The following DENND1A variants were observed in gnomAD, a reference collection of about 807,000 sequenced individuals.
DENND1A encodes the protein DENN domain containing 1A, also known as DENN domain-containing protein 1A.
Under a neutral mutation model 113.7 loss-of-function variants are expected in DENND1A, and 51 were observed. The ratio of observed to expected loss-of-function variants is 0.45; its 90% CI spans 0.36 to 0.57. The LOEUF (loss-of-function observed/expected upper bound fraction) is 0.57, where lower values mean the gene tolerates loss of function less well. Ranked by LOEUF, DENND1A falls within the 20% of genes least tolerant of loss-of-function variation. The pLI, the probability that DENND1A is intolerant of heterozygous loss-of-function variation, is 0.00. For missense variants in DENND1A, 1,258 were observed against 1,395.9 expected, an observed-to-expected ratio of 0.90 and a Z score of 1.57; for synonymous variants, 565 against 570.8, an observed-to-expected ratio of 0.99 and a Z score of 0.14.
chr9:123,916,600 C>T (rs565837591), intron 1 of DENND1A, among the ~76,000 whole-genome samples: 1 of 151,914 alleles, frequency 6.6e-6, no homozygotes, highest in Non-Finnish European at 1.5e-5. Context: ...CTCGAACTCC[C>T]GACCTCAGGT....
chr9:123,393,040 GTTTC>G (rs2042936056), intron 21 of DENND1A, among the ~76,000 whole-genome samples: 1 of 152,180 alleles, frequency 6.6e-6, no homozygotes, highest in African/African-American at 2.4e-5. Context: ...ATATACCACA[GTTTC>G]TTTATCCACT....
At chr9:123,711,724 G>C (rs777137713) in intron 5 of DENND1A, among the ~76,000 whole-genome samples, 5 of 151,474 alleles carry the variant, frequency 3.3e-5, no homozygotes, top group Admixed American at 1.3e-4. Context: ...ACATTCTTTA[G>C]TCTCCCCTTA....
At chr9:123,864,334 T>C (rs1845514993) in intron 2 of DENND1A, among the ~76,000 whole-genome samples, 1 of 152,226 alleles carries the variant, frequency 6.6e-6, no homozygotes, top group Non-Finnish European at 1.5e-5. Context: ...CTTCCTGCTG[T>C]ATACACACAC....
At chr9:123,875,371 T>A (rs1847295366) in intron 2 of DENND1A, among the ~76,000 whole-genome samples, 1 of 152,296 alleles carries the variant, frequency 6.6e-6, no homozygotes, top group East Asian at 1.9e-4. Context: ...AGACCATACA[T>A]CTGAATATTT....
At chr9:123,607,796 T>C (rs1328777183) in intron 11 of DENND1A, among the ~76,000 whole-genome samples, 1 of 150,958 alleles carries the variant, frequency 6.6e-6, no homozygotes, top group Non-Finnish European at 1.5e-5. Flanking sequence ...AAGACAAAAC[T>C]AGAAACTTGG....
rs1325063701 is a variant in DENND1A, at chr9:123,381,913, G to A, written c.2732C>T (p.Thr911Ile). 2.8e-6 allele frequency: 4 copies of A among 1,450,154 alleles called. No homozygotes were observed. Among genetic ancestry groups the A allele is most frequent in the South Asian group, 1.5e-5 (1 of 68,240 alleles). The allele number at this position is 1,450,154 out of a possible 1,614,324, so 89.8% of individuals were successfully genotyped here. ...AAPPTLPLVS[T>I]PAGPFGAPPA... The stretch of plus-strand genomic sequence containing the variant: ...AGGGGCCCCGAAAGGCCCGGCTGGT[G>A]TGGAGACCAGGGGCAGGGTGGGTGG... The change falls in exon 24 of 24, where the codon ACA becomes ATA. Residue 911 changes from threonine (T) to isoleucine (I), a missense_variant. Physicochemically the swap from Thr to Ile is moderately conservative, Grantham distance 89. Coordinates refer to ENST00000394215, the MANE Select transcript of DENND1A (RefSeq NM_001352964.2). The surrounding 1 kb of genome is among the most constrained non-coding windows in gnomAD (Gnocchi z 4.7).
intron 20 of DENND1A, among the ~76,000 whole-genome samples, chr9:123,409,915 C>A (rs1378945223): frequency 6.6e-6 from 1 of 152,154 alleles, no homozygotes; most frequent in East Asian, 1.9e-4. Flanking sequence ...CACAGTGAAA[C>A]CCCGTCTCTA....
intron 1 of DENND1A, among the ~76,000 whole-genome samples, chr9:123,912,493 T>A (rs560722282): frequency 1.2e-4 from 18 of 152,238 alleles, no homozygotes; most frequent in African/African-American, 2.2e-4. Flanking sequence ...AGTCAAAAAA[T>A]TTTTTAAGAA....
At chr9:123,734,483 A>C (rs2068413662) in intron 5 of DENND1A, among the ~76,000 whole-genome samples, 1 of 152,192 alleles carries the variant, frequency 6.6e-6, no homozygotes, top group Non-Finnish European at 1.5e-5. Context: ...AGTGGAGTAT[A>C]GGACACCTAC....
chr9:123,825,101 A>C (rs1839095131), intron 2 of DENND1A, among the ~76,000 whole-genome samples: 1 of 152,192 alleles, frequency 6.6e-6, no homozygotes, highest in African/African-American at 2.4e-5. Context: ...ATTAGTCATG[A>C]AACACCAAAA....
intron 3 of DENND1A, among the ~76,000 whole-genome samples, chr9:123,775,861 C>T (rs567007747): frequency 6.6e-6 from 1 of 152,258 alleles, no homozygotes; most frequent in Non-Finnish European, 1.5e-5. Flanking sequence ...CGATAATGGG[C>T]CCATGCTGAA....
intron 1 of DENND1A, among the ~76,000 whole-genome samples, chr9:123,882,993 C>G (rs60812970): frequency 0.089 from 13,514 of 152,204 alleles, 1,302 homozygotes; most frequent in African/African-American, 0.24. Context: ...ATACCTCTCT[C>G]CCCTTGCCCA....
chr9:123,874,977 C>T (rs891356759), intron 2 of DENND1A, among the ~76,000 whole-genome samples: 4 of 152,108 alleles, frequency 2.6e-5, no homozygotes, highest in Admixed American at 6.5e-5. Flanking sequence ...CCAAAAACTG[C>T]GAACAACTTC....
At chr9:123,850,468 C>T (rs572382333) in intron 2 of DENND1A, among the ~76,000 whole-genome samples, 6 of 152,338 alleles carry the variant, frequency 3.9e-5, no homozygotes, top group African/African-American at 1.4e-4. Context: ...CATAACTTTA[C>T]ATGCATTGGG....
chr9:123,929,214 T>TG (rs1301595471), intron 1 of DENND1A, among the ~76,000 whole-genome samples: 1 of 151,974 alleles, frequency 6.6e-6, no homozygotes, highest in Non-Finnish European at 1.5e-5. Flanking sequence ...GAACTCCAGG[T>TG]GAATGAATGA....
intron 13 of DENND1A, among the ~76,000 whole-genome samples, chr9:123,508,778 A>T (rs2053193722): frequency 6.6e-6 from 1 of 152,222 alleles, no homozygotes; most frequent in Non-Finnish European, 1.5e-5. Context: ...AAAAGAATAG[A>T]GGGAAAAGAC....
At chr9:123,502,413 T>C (rs933371833) in intron 13 of DENND1A, among the ~76,000 whole-genome samples, 1 of 152,234 alleles carries the variant, frequency 6.6e-6, no homozygotes, top group Admixed American at 6.5e-5. Context: ...GGTATCTCAT[T>C]GTCATTCTGA....
intron 9 of DENND1A, among the ~76,000 whole-genome samples, chr9:123,651,526 A>C (rs906260402): frequency 6.6e-6 from 1 of 152,282 alleles, no homozygotes; most frequent in Non-Finnish European, 1.5e-5. Context: ...GCAATTTGGC[A>C]GTCCCTAAGT....
intron 4 of DENND1A, among the ~76,000 whole-genome samples, chr9:123,762,891 G>A (rs921151471): frequency 1.5e-4 from 23 of 152,202 alleles, no homozygotes; most frequent in African/African-American, 5.5e-4. Context: ...GTTGTTTCAG[G>A]CAGAGAAAAG....
Sources: gnomAD v4.1 joint callset for allele counts (sites outside exome capture counted in the v4.1 genomes callset) on GRCh38, gnomAD v4.1.1 for gene constraint, Gnocchi (gnomAD v3.1) non-coding constraint, MANE v1.5 for transcripts, NCBI Gene and HGNC (gene_info 2026-07-23, HGNC 2026-07-21) for gene names.